Variants in ZGRF1 observed in about 807,000 individuals in gnomAD.
The protein encoded by ZGRF1 is 5'-3' DNA helicase ZGRF1.
Under a neutral mutation model 203.5 loss-of-function variants are expected in ZGRF1, and 196 were observed. The ratio of observed to expected loss-of-function variants is 0.96; its 90% CI spans 0.86 to 1.08. The LOEUF is 1.08. ZGRF1 is among the 50% of genes least tolerant of loss of function. The pLI is 0.00. For missense variants in ZGRF1, 2,326 were observed against 2,416.3 expected (o/e 0.96, Z 0.78); for synonymous variants, 809 against 841.3 (o/e 0.96, Z 0.66).
rs1471534478 is a variant in ZGRF1 at position 112,587,755 on chromosome 4, T to C, written c.3302A>G (p.Asn1101Ser). Reference sequence around the variant, plus strand: ...AAGAACTGCTGACTTTTCACACAAATTGAGCATGGGGGAGCCAGAAGACTC... The same window carrying C: ...AAGAACTGCTGACTTTTCACACAAACTGAGCATGGGGGAGCCAGAAGACTC... ...TYESSGSPML[N>S]LCEKSAVLSF... Residue 1101 changes from asparagine (N) to serine (S), a missense_variant, in exon 12 of 28, where the codon AAT (asparagine) becomes AGT (serine). Asn to Ser is a conservative substitution (Grantham distance 46). Coordinates refer to ENST00000505019, the MANE Select transcript of ZGRF1 (RefSeq NM_018392.5). The C allele has an allele frequency of 5.1e-6, 8 of 1,557,908 alleles. 1 individual carries two copies. The South Asian group carries it at 9.4e-5, about 18-fold the overall frequency.
intron 16 of ZGRF1, among the ~76,000 whole-genome samples, chr4:112,566,729 G>A (rs1201299540): frequency 1.3e-5 from 2 of 152,028 alleles, no homozygotes; most frequent in Non-Finnish European, 2.9e-5. Context: ...TCGAGTTGGA[G>A]GGCCTGTTTT....
chr4:112,547,222 A>C, intron 24 of ZGRF1, 63 bp downstream of exon 24: 1 of 1,041,266 alleles, frequency 9.6e-7, no homozygotes, highest in Non-Finnish European at 1.3e-6. Flanking sequence ...TTCTCTATCA[A>C]CACACACACA....
Position 112,617,850 on chromosome 4 carries a change from GT to G in ZGRF1, c.2191del (p.Thr731LeufsTer11). On this transcript the variant is annotated frameshift_variant, in exon 6 of 28. Transcript: ENST00000505019. LOFTEE classifies it high-confidence loss of function. Reference protein sequence around the residue: ...DKNDEHVLPSTSSSDNSVQLL... With the variant: ...DKNDEHVLPSXSSSDNSVQLL... ...TTGGACACTGTTGTCACTACTAGAAGTTGAGGGTAAAACATGTTCATCATTT... is the reference window on the plus strand; with the variant it reads ...TTGGACACTGTTGTCACTACTAGAAGTGAGGGTAAAACATGTTCATCATTT... 6.2e-7 allele frequency: 1 copy of G among 1,614,020 alleles called. No homozygotes were observed. The highest frequency in any genetic ancestry group is 8.5e-7 in the Non-Finnish European group (1 of 1,179,960).
intron 16 of ZGRF1, among the ~76,000 whole-genome samples, chr4:112,579,206 T>C (rs1745769366): frequency 8.1e-6 from 1 of 122,970 alleles, no homozygotes; most frequent in Non-Finnish European, 1.8e-5. Context: ...AAAAGGCCTT[T>C]GACAAAATTC....
At position 112,618,452 on chromosome 4, in the gene ZGRF1, T is replaced by C. The variant is rs183927207; in HGVS notation, c.1590A>G (p.Val530=). ...TCTCAAAATTGTTCAGATTAAAAGT[T>C]ACCTCCAAAAATGGTTGTGTTACAT... ...LSNVTQPFLE[V]TFNLNNFETS... is the part of the protein sequence containing the mutation. The change falls in exon 6 of 28, where the codon GTA becomes GTG. Residue 530 remains valine (V), a synonymous_variant. Transcript: ENST00000505019. 2.2e-5 allele frequency: 36 copies of C among 1,613,768 alleles called. No homozygotes were observed. In the Admixed American group the frequency reaches 2.8e-4, roughly 13 times the overall value.
chr4:112,621,764 G>C (rs1374329369), intron 4 of ZGRF1, among the ~76,000 whole-genome samples: 1 of 147,600 alleles, frequency 6.8e-6, no homozygotes, highest in African/African-American at 2.5e-5. Context: ...TTTCGCTCTT[G>C]TTGCCCAGTC....
chr4:112,586,645 A>T (rs1747244432), intron 12 of ZGRF1, 62 bp from the exon 13 acceptor site: 1 of 1,232,498 alleles, frequency 8.1e-7, no homozygotes. Flanking sequence ...ACTAAAGAGT[A>T]AATTATTTTT....
chr4:112,628,484 C>T (rs960475060), intron 3 of ZGRF1: 5 of 429,902 alleles, frequency 1.2e-5, no homozygotes, highest in Non-Finnish European at 9.3e-6. Context: ...TGGTTGATGA[C>T]TTATTCAGTG....
chr4:112,609,476 A>T (rs780121996), intron 7 of ZGRF1, 47 bp from the exon 8 acceptor site: 1 of 1,079,226 alleles, frequency 9.3e-7, no homozygotes, highest in Admixed American at 2.1e-5. Flanking sequence ...GGCAATAATA[A>T]TTTAGAAAAC....
intron 15 of ZGRF1, 119 bp from the exon 16 acceptor site, chr4:112,581,921 T>C: frequency 2.2e-6 from 1 of 445,240 alleles, no homozygotes; most frequent in Admixed American, 4.5e-5. Flanking sequence ...GTTTCATACA[T>C]GTATACAAAA....
chr4:112,615,466 C>T (rs528552324), intron 6 of ZGRF1, among the ~76,000 whole-genome samples: 5 of 151,960 alleles, frequency 3.3e-5, no homozygotes, highest in African/African-American at 4.8e-5. Context: ...TCTGGTGATC[C>T]GCCCACATCG....
intron 15 of ZGRF1, among the ~76,000 whole-genome samples, chr4:112,582,864 C>T (rs531598060): frequency 8.3e-4 from 126 of 152,154 alleles, no homozygotes; most frequent in African/African-American, 2.8e-3. Flanking sequence ...TGTTTACATA[C>T]CACATTTTCT....
intron 8 of ZGRF1, among the ~76,000 whole-genome samples, chr4:112,606,411 C>A (rs1750784133): frequency 6.6e-6 from 1 of 152,074 alleles, no homozygotes; most frequent in Non-Finnish European, 1.5e-5. Context: ...CCTGTAATCC[C>A]AGCACTTTGG....
At chr4:112,570,972 T>C (rs374596885) in intron 16 of ZGRF1, among the ~76,000 whole-genome samples, 1 of 151,764 alleles carries the variant, frequency 6.6e-6, no homozygotes, top group East Asian at 1.9e-4. Context: ...GGTGTGGTGG[T>C]AGGTGCCTGT....
intron 9 of ZGRF1, 89 bp downstream of exon 9, chr4:112,605,919 A>T (rs1381555588): frequency 1.2e-6 from 1 of 852,314 alleles, no homozygotes; most frequent in Non-Finnish European, 1.9e-6. Flanking sequence ...GCCTGTGAAA[A>T]CTCTGATACT....
intron 10 of ZGRF1, among the ~76,000 whole-genome samples, chr4:112,598,569 T>C (rs1215217686): frequency 6.6e-6 from 1 of 152,038 alleles, no homozygotes; most frequent in African/African-American, 2.4e-5. Flanking sequence ...ACTGTAATCA[T>C]TAGCTCTTGC....
In ZGRF1 at chr4:112,540,908, T is replaced by G; in HGVS notation, c.5823A>C (p.Thr1941=). 6.3e-6 allele frequency: 10 copies of G among 1,582,104 alleles called. No individual in the cohort carries two copies. The highest frequency in any genetic ancestry group is 8.6e-6 in the Non-Finnish European group (10 of 1,162,236). The stretch of plus-strand genomic sequence containing the variant: ...CAATCAGTGATTGAATCAGCTTGAG[T>G]GTAAACGTAGCTTCTGCCACATTAT... ...SFHNVAEATF[T]LKLIQSLIAS... The change falls in exon 26 of 28, where the codon ACA becomes ACC. Residue 1941 remains threonine, a synonymous_variant. Coordinates refer to ENST00000505019, the MANE Select transcript of ZGRF1 (RefSeq NM_018392.5).
At chr4:112,605,191 C>T (rs1160191786) in intron 9 of ZGRF1, among the ~76,000 whole-genome samples, 2 of 151,164 alleles carry the variant, frequency 1.3e-5, no homozygotes, top group Admixed American at 6.6e-5. Flanking sequence ...GACAGAGTTT[C>T]GTTCTGTCAC....
intron 24 of ZGRF1, among the ~76,000 whole-genome samples, chr4:112,542,483 C>T (rs899417586): frequency 1.3e-5 from 2 of 152,096 alleles, no homozygotes; most frequent in Non-Finnish European, 2.9e-5. Flanking sequence ...TGTACAAATA[C>T]ATACATTTGA....
Sources: gnomAD v4.1 joint callset for allele counts (sites outside exome capture counted in the v4.1 genomes callset) on GRCh38, gnomAD v4.1.1 for gene constraint, MANE v1.5 for transcripts, NCBI Gene and HGNC (gene_info 2026-07-23, HGNC 2026-07-21) for gene names.